The following PCDH9 variants were observed in gnomAD, a reference collection of about 807,000 sequenced individuals.
PCDH9 encodes the protein protocadherin-9.
A neutral mutation model predicts 70.6 loss-of-function variants in PCDH9; 24 were observed. The ratio of observed to expected loss-of-function variants is 0.34; its 90% CI spans 0.25 to 0.48. The LOEUF is 0.48. Among genes scored for constraint, PCDH9 ranks in the 20% least tolerant of loss-of-function variants. The probability of loss-of-function intolerance (pLI) is 0.99; values close to 1 mark genes in which losing one functional copy is unlikely to be tolerated. For missense variants in PCDH9, 1,281 were observed against 1,503.6 expected (o/e 0.85, Z 2.45); for synonymous variants, 562 against 558.5 (o/e 1.01, Z -0.09).
chr13:66,771,906 A>G (rs891657103), intron 3 of PCDH9, among the ~76,000 whole-genome samples: 1 of 152,244 alleles, frequency 6.6e-6, no homozygotes. Context: ...TTTTTAGAAA[A>G]GCAAAGACAT....
At chr13:67,093,166 C>A (rs893721085) in intron 2 of PCDH9, among the ~76,000 whole-genome samples, 1 of 152,022 alleles carries the variant, frequency 6.6e-6, no homozygotes, top group African/African-American at 2.4e-5. Context: ...TTTAAAAGAG[C>A]AAAATAGATC....
chr13:67,063,600 C>T (rs1411153793), intron 2 of PCDH9, among the ~76,000 whole-genome samples: 5 of 151,652 alleles, frequency 3.3e-5, no homozygotes, highest in African/African-American at 4.8e-5. Flanking sequence ...ACTATACTGC[C>T]GATTTGCCAA....
At chr13:66,383,861 A>C (rs1343547400) in intron 4 of PCDH9, among the ~76,000 whole-genome samples, 1 of 152,182 alleles carries the variant, frequency 6.6e-6, no homozygotes, top group East Asian at 1.9e-4. Flanking sequence ...AAAATGTGTT[A>C]ATTGGTTATT....
At chr13:66,475,870 C>T (rs1278275076) in intron 4 of PCDH9, among the ~76,000 whole-genome samples, 1 of 152,076 alleles carries the variant, frequency 6.6e-6, no homozygotes, top group Non-Finnish European at 1.5e-5. Context: ...ATCTCTTCTA[C>T]CTATCTTTAA....
intron 3 of PCDH9, among the ~76,000 whole-genome samples, chr13:66,640,879 AT>A (rs1053636162): frequency 1.0e-4 from 15 of 149,276 alleles, no homozygotes; most frequent in African/African-American, 2.7e-4. Context: ...TAACTTTTGG[AT>A]TTTTTTTTTC....
chr13:67,063,386 C>A, intron 2 of PCDH9, among the ~76,000 whole-genome samples: 1 of 152,244 alleles, frequency 6.6e-6, no homozygotes, highest in South Asian at 2.1e-4. Context: ...TAAGGTCCAA[C>A]TACATGCTAA....
At chr13:66,806,699 C>T (rs1174128454) in intron 3 of PCDH9, among the ~76,000 whole-genome samples, 1 of 152,034 alleles carries the variant, frequency 6.6e-6, no homozygotes, top group Non-Finnish European at 1.5e-5. Flanking sequence ...TCTCTAAGTT[C>T]GGTATGTAAA....
chr13:66,587,793 T>TAA, intron 4 of PCDH9, among the ~76,000 whole-genome samples: 1 of 145,324 alleles, frequency 6.9e-6, no homozygotes, highest in East Asian at 2.0e-4. Flanking sequence ...GCAGGATTAT[T>TAA]AAAAAAAAAA....
At chr13:66,948,139 A>G (rs2083119397) in intron 2 of PCDH9, among the ~76,000 whole-genome samples, 1 of 152,104 alleles carries the variant, frequency 6.6e-6, no homozygotes, top group Non-Finnish European at 1.5e-5. Context: ...TAGTGTTGAT[A>G]TTGACACAAA....
intron 4 of PCDH9, among the ~76,000 whole-genome samples, chr13:66,590,085 A>C (rs544869212): frequency 6.6e-6 from 1 of 152,176 alleles, no homozygotes; most frequent in South Asian, 2.1e-4. Flanking sequence ...TGTGCACACA[A>C]AGTTTCATCA....
intron 4 of PCDH9, among the ~76,000 whole-genome samples, chr13:66,566,113 G>A (rs2076648795): frequency 6.6e-6 from 1 of 152,206 alleles, no homozygotes; most frequent in Admixed American, 6.5e-5. Flanking sequence ...AGGTGGCAGT[G>A]TCTGAAAGAA....
intron 4 of PCDH9, among the ~76,000 whole-genome samples, chr13:66,470,861 T>C (rs1053158466): frequency 2.6e-5 from 4 of 151,634 alleles, no homozygotes; most frequent in African/African-American, 9.7e-5. Flanking sequence ...TCTCAACTTT[T>C]ACAGTTCTGA....
At chr13:66,826,169 TAAA>T (rs1338947267) in intron 3 of PCDH9, among the ~76,000 whole-genome samples, 1 of 152,144 alleles carries the variant, frequency 6.6e-6, no homozygotes, top group African/African-American at 2.4e-5. Flanking sequence ...TTCAAAAACT[TAAA>T]GAAGTCACTC....
At chr13:66,677,157 A>G (rs779237167) in intron 3 of PCDH9, among the ~76,000 whole-genome samples, 6 of 152,116 alleles carry the variant, frequency 3.9e-5, no homozygotes, top group Non-Finnish European at 7.4e-5. Context: ...TTAGAAAACC[A>G]TAAACACAAA....
chr13:66,750,537 G>A (rs2079441437), intron 3 of PCDH9, among the ~76,000 whole-genome samples: 1 of 151,650 alleles, frequency 6.6e-6, no homozygotes, highest in African/African-American at 2.4e-5. Context: ...ACAATGCAAA[G>A]CCAATCTCTC....
intron 4 of PCDH9, among the ~76,000 whole-genome samples, chr13:66,466,399 G>A (rs1298373230): frequency 2.6e-5 from 4 of 152,032 alleles, no homozygotes; most frequent in African/African-American, 9.7e-5. Flanking sequence ...GATTTATGAT[G>A]CCAGTATTCC....
intron 3 of PCDH9, among the ~76,000 whole-genome samples, chr13:66,772,180 A>G (rs960938410): frequency 1.1e-4 from 16 of 152,218 alleles, no homozygotes; most frequent in African/African-American, 3.4e-4. Flanking sequence ...AAACAACTTT[A>G]TTAATACAGT....
chr13:67,162,349 G>A (rs2087986829), intron 2 of PCDH9, among the ~76,000 whole-genome samples: 1 of 152,216 alleles, frequency 6.6e-6, no homozygotes, highest in Admixed American at 6.5e-5. Flanking sequence ...CTCTGAAAGT[G>A]TATCTCTAGA....
chr13:66,600,905 C>T (rs1040369267), intron 4 of PCDH9, among the ~76,000 whole-genome samples: 1 of 144,440 alleles, frequency 6.9e-6, no homozygotes, highest in African/African-American at 2.5e-5. Context: ...CTTGAGAACA[C>T]TTAACCTTAA....
Sources: allele counts gnomAD v4.1 joint callset (sites outside exome capture counted in the v4.1 genomes callset), GRCh38; gene constraint gnomAD v4.1.1; transcripts MANE v1.5; gene names NCBI Gene and HGNC (gene_info 2026-07-23, HGNC 2026-07-21).